The following TARS3 variants were observed in gnomAD, a reference collection of about 807,000 sequenced individuals.
TARS3 encodes the protein threonyl-tRNA synthetase 3.
Under a neutral mutation model 103.5 loss-of-function variants are expected in TARS3, and 94 were observed. The observed-to-expected ratio is 0.91, with a 90% CI of 0.77 to 1.08. TARS3 has a LOEUF of 1.08. Among genes scored for constraint, TARS3 ranks in the 50% least tolerant of loss-of-function variants. The probability of loss-of-function intolerance (pLI) is 0.00; values close to 1 mark genes in which losing one functional copy is unlikely to be tolerated. For missense variants in TARS3, 952 were observed against 995.2 expected, an observed-to-expected ratio of 0.96 and a Z score of 0.58; for synonymous variants, 416 against 355.4, an observed-to-expected ratio of 1.17 and a Z score of -1.92.
intron 10 of TARS3, among the ~76,000 whole-genome samples, chr15:101,687,651 C>A (rs1417073083): frequency 2.6e-5 from 4 of 152,078 alleles, no homozygotes; most frequent in Admixed American, 2.6e-4. Flanking sequence ...GAATGTATGT[C>A]TTCTTGAGAT....
chr15:101,677,188 T>C (rs892771180), intron 12 of TARS3, among the ~76,000 whole-genome samples: 1 of 152,236 alleles, frequency 6.6e-6, no homozygotes, highest in Admixed American at 6.5e-5. Context: ...TTTCTGGGAA[T>C]GCCTGTGAGT....
At chr15:101,723,687 C>CA (rs997595825) in intron 1 of TARS3, among the ~76,000 whole-genome samples, 15 of 151,838 alleles carry the variant, frequency 9.9e-5, no homozygotes, top group East Asian at 1.9e-4. Context: ...ACTTCTCGTC[C>CA]AAAAAAAACC....
chr15:101,705,099 A>G (rs1026073524), intron 7 of TARS3, among the ~76,000 whole-genome samples: 1 of 152,244 alleles, frequency 6.6e-6, no homozygotes, highest in Admixed American at 6.5e-5. Flanking sequence ...TAAGGCGTAT[A>G]CACACGAATA....
chr15:101,703,074 C>A (rs556787112), intron 8 of TARS3, among the ~76,000 whole-genome samples: 1 of 152,276 alleles, frequency 6.6e-6, no homozygotes, highest in South Asian at 2.1e-4. Context: ...TTAGCCAGCC[C>A]CATTTTACCT....
intron 9 of TARS3, among the ~76,000 whole-genome samples, chr15:101,701,401 C>A (rs1169542071): frequency 6.6e-6 from 1 of 152,202 alleles, no homozygotes; most frequent in Non-Finnish European, 1.5e-5. Context: ...TCACCTTCTG[C>A]TATTCTCTGC....
At chr15:101,674,492 T>C (rs1596294875) in intron 13 of TARS3, among the ~76,000 whole-genome samples, 1 of 152,164 alleles carries the variant, frequency 6.6e-6, no homozygotes, top group Admixed American at 6.5e-5. Flanking sequence ...CACCTCACAC[T>C]GCGAAAGTTC....
chr15:101,658,087 C>T (rs1897250330), intron 16 of TARS3, among the ~76,000 whole-genome samples: 1 of 152,050 alleles, frequency 6.6e-6, no homozygotes, highest in Non-Finnish European at 1.5e-5. Flanking sequence ...GGCAGACAGC[C>T]CAAAGGGCTG....
chr15:101,709,503 T>C (rs113308056), intron 5 of TARS3, among the ~76,000 whole-genome samples: 91 of 152,268 alleles, frequency 6.0e-4, no homozygotes, highest in African/African-American at 2.0e-3. Context: ...TCCCTGCAGA[T>C]GTCATAAGTA....
Position 101,721,170 on chromosome 15 carries a change from C to G in TARS3, c.522G>C (p.Gly174=). ...VRVADGQTVQ[G]EVWKTTPYQV... is the part of the protein sequence containing the mutation. ...GGTAAGGCGTTGTTTTCCAGACTTC[C>G]CCTTGCACTGTTTGCCCATCAGCCA... Residue 174 remains glycine (G), a synonymous_variant, in exon 3 of 19, where the codon GGG becomes GGC. Transcript: ENST00000335968. 1 of 1,612,468 alleles carries G rather than the reference C, an allele frequency of 6.2e-7. No homozygotes were observed. The highest frequency in any genetic ancestry group is 8.5e-7 in the Non-Finnish European group (1 of 1,178,656).
intron 12 of TARS3, among the ~76,000 whole-genome samples, chr15:101,676,874 C>T (rs1171107157): frequency 6.6e-6 from 1 of 151,382 alleles, no homozygotes; most frequent in East Asian, 1.9e-4. Flanking sequence ...ATATGTGTGC[C>T]ATGGTGGTTT....
rs201689415 is a variant in TARS3 at position 101,722,845 on chromosome 15, C to CA, written c.369+247dup. 4.7e-3 allele frequency among the ~76,000 whole-genome samples: 705 copies of CA among 150,564 alleles called. 38 individuals are homozygous for CA. In the East Asian group the frequency reaches 0.13, roughly 27 times the overall value. Reference sequence around the variant, plus strand: ...AAAAAACAAAAAAAAACCAACCAAACAAAAAAAACCAACTCTAGTACTCTA... The same window carrying CA: ...AAAAAACAAAAAAAAACCAACCAAACAAAAAAAAACCAACTCTAGTACTCTA... On this transcript the variant is annotated intron_variant, in intron 2 of 18. Transcript: ENST00000335968.
intron 10 of TARS3, among the ~76,000 whole-genome samples, chr15:101,697,694 C>T (rs117413946): frequency 1.8e-4 from 28 of 152,168 alleles, no homozygotes; most frequent in Non-Finnish European, 2.6e-4. Flanking sequence ...ATCTTAAGGG[C>T]GGGGCTGTAA....
intron 15 of TARS3, among the ~76,000 whole-genome samples, chr15:101,663,593 G>A (rs563862676): frequency 2.0e-5 from 3 of 152,268 alleles, no homozygotes; most frequent in Admixed American, 1.3e-4. Flanking sequence ...TGTGGTTGCT[G>A]TTGCTTCTGA....
Position 101,724,011 on chromosome 15 carries a change from C to T in TARS3, c.297+80G>A, listed in dbSNP as rs962672035. 3 of 1,260,640 alleles carry T rather than the reference C, an allele frequency of 2.4e-6. No homozygotes were observed. In the East Asian group the frequency reaches 9.5e-5, roughly 40 times the overall value. 78.1% of individuals were successfully genotyped at this position (1,260,640 alleles called of 1,614,324 possible). ...CCCGGGGCGCCCCCGCACCTGCCCC[C>T]GCAGTTGAAAACCTTTCGGTGCGCA... is the stretch of plus-strand genomic sequence containing the variant. On this transcript the variant is annotated intron_variant, in intron 1 of 18. Transcript: ENST00000335968.
At chr15:101,666,942 C>T (rs191736820) in intron 15 of TARS3, among the ~76,000 whole-genome samples, 142 of 152,222 alleles carry the variant, frequency 9.3e-4, no homozygotes, top group Admixed American at 1.6e-3. Context: ...GTGTAGTATG[C>T]CTTCCAAAAT....
chr15:101,719,448 T>C (rs142871352), intron 3 of TARS3, among the ~76,000 whole-genome samples: 39 of 152,282 alleles, frequency 2.6e-4, no homozygotes, highest in African/African-American at 8.7e-4. Context: ...CACAGATATC[T>C]GGATGTCAGA....
Position 101,711,942 on chromosome 15 carries a change from G to A in TARS3, c.750C>T (p.Gly250=). The A allele has an allele frequency of 3.7e-6, 6 of 1,613,922 alleles. No homozygotes were observed. Among genetic ancestry groups the A allele is most frequent in the Non-Finnish European group, 5.1e-6 (6 of 1,179,824 alleles). The stretch of plus-strand genomic sequence containing the variant: ...CAATGGGCGGACCGTAGCACAGGTG[G>A]CCTCCATAGTAAAGCTCCATGGCCT... The part of the protein sequence containing the change: ...LGEAMELYYG[G]HLCYGPPIEN... The change falls in exon 5 of 19, where the codon GGC becomes GGT. Residue 250 remains glycine (G), a synonymous_variant. Coordinates refer to ENST00000335968, the MANE Select transcript of TARS3 (RefSeq NM_152334.3).
Position 101,724,231 on chromosome 15 carries a change from C to T in TARS3, c.157G>A (p.Glu53Lys), listed in dbSNP as rs1006718185. Residue 53 changes from glutamate (E) to lysine (K), a missense_variant, in exon 1 of 19, where the codon GAG becomes AAG. Physicochemically the swap from Glu to Lys is moderately conservative, Grantham distance 56. This residue lies in a region of TARS3 where 412 missense variants were observed against 364.2 expected (regional missense o/e 1.13). Transcript: ENST00000335968. ...TTCTCGGCCCGGAGCTGCGCCACCT[C>T]CCGCGTGAGGCACGGCCCCTCCGCC... ...CQAEGPCLTR[E>K]VAQLRAENCD... 5 of 1,548,482 alleles carry T rather than the reference C, an allele frequency of 3.2e-6. No homozygotes were observed. Among genetic ancestry groups the T allele is most frequent in the East Asian group, 2.5e-5 (1 of 40,608 alleles).
In TARS3 at chr15:101,701,178, C is replaced by G; in HGVS notation, c.1228G>C (p.Glu410Gln). The G allele has an allele frequency of 6.3e-7, 1 of 1,589,026 alleles. No individual in the cohort carries two copies. Among genetic ancestry groups the G allele is most frequent in the Non-Finnish European group, 8.5e-7 (1 of 1,172,974 alleles). Residue 410 changes from glutamate to glutamine, a missense_variant, in exon 10 of 19, where the codon GAA (glutamate) becomes CAA (glutamine). Glu to Gln is a conservative substitution (Grantham distance 29). This residue lies in a region of TARS3 where 540 missense variants were observed against 631.0 expected (regional missense o/e 0.86). Transcript: ENST00000335968. ...CTCAAATCGTGGAAAAAGAAAAGTT[C>G]TTGTTCCTAGATTGAAACAAAAATT... Reference protein sequence around the residue: ...RDHRKIGKEQELFFFHDLSPG... With the variant: ...RDHRKIGKEQQLFFFHDLSPG...
Sources: allele counts gnomAD v4.1 joint callset (sites outside exome capture counted in the v4.1 genomes callset), GRCh38; gene constraint gnomAD v4.1.1; regional missense constraint gnomAD v4.1.1; transcripts MANE v1.5; gene names NCBI Gene and HGNC (gene_info 2026-07-23, HGNC 2026-07-21).